FSTL5: variants seen among roughly 807,000 people sequenced by gnomAD.
FSTL5 encodes the protein follistatin-related protein 5.
Under a neutral mutation model 89.1 loss-of-function variants are expected in FSTL5, and 62 were observed. That is an observed-to-expected ratio of 0.70 (90% confidence interval 0.57 to 0.86). FSTL5 has a LOEUF of 0.86. Ranked by LOEUF, FSTL5 falls within the 40% of genes least tolerant of loss-of-function variation. The pLI is 0.00. For synonymous variants in FSTL5, 383 were observed against 346.2 expected, an observed-to-expected ratio of 1.11 and a Z score of -1.18; for missense variants, 1,057 against 1,001.6, an observed-to-expected ratio of 1.06 and a Z score of -0.75.
chr4:161,490,728 C>G (rs147443721), intron 12 of FSTL5, among the ~76,000 whole-genome samples: 1 of 152,038 alleles, frequency 6.6e-6, no homozygotes, highest in Non-Finnish European at 1.5e-5. Flanking sequence ...AAATGTTTTA[C>G]AGAGATAATT....
intron 13 of FSTL5, among the ~76,000 whole-genome samples, chr4:161,480,074 G>T (rs62324266): frequency 0.065 from 9,844 of 152,134 alleles, 414 homozygotes; most frequent in Middle Eastern, 0.11. Context: ...CAAAATTAGA[G>T]GGTTAATTTC....
rs5863480 is a variant in FSTL5 at position 161,748,606 on chromosome 4, GTTTTTTTT to G, written c.727+10797_727+10804del. ...CTGAAATAATGCAAAGGGGAAGCAC[GTTTTTTTT>G]TTTTTTTTTTTTTTCTCAGACTGAA... On this transcript the variant is annotated intron_variant, in intron 6 of 15. Coordinates refer to ENST00000306100, the MANE Select transcript of FSTL5 (RefSeq NM_020116.5). Among the ~76,000 whole-genome samples, 245 of 103,530 alleles carry G rather than the reference GTTTTTTTT, an allele frequency of 2.4e-3. 1 individual carries two copies. The highest frequency in any genetic ancestry group is 8.1e-3 in the African/African-American group (240 of 29,780). The allele number at this position is 103,530 out of a possible 152,430, so 67.9% of individuals were successfully genotyped here.
chr4:161,419,698 G>C (rs909284507), intron 15 of FSTL5, among the ~76,000 whole-genome samples: 1 of 152,124 alleles, frequency 6.6e-6, no homozygotes, highest in Non-Finnish European at 1.5e-5. Flanking sequence ...ATTGCAACTG[G>C]CCCTGTCTCT....
intron 3 of FSTL5, among the ~76,000 whole-genome samples, chr4:161,954,677 T>G (rs1734981855): frequency 6.6e-6 from 1 of 151,672 alleles, no homozygotes; most frequent in Non-Finnish European, 1.5e-5. Flanking sequence ...GTAAGGCAAG[T>G]TTGTCCTTTG....
chr4:162,081,773 A>G (rs766346282), intron 2 of FSTL5, among the ~76,000 whole-genome samples: 55 of 143,644 alleles, frequency 3.8e-4, no homozygotes, highest in South Asian at 1.1e-3. Flanking sequence ...ATAGAACCAG[A>G]AAGAAAATTA....
intron 2 of FSTL5, among the ~76,000 whole-genome samples, chr4:162,104,462 C>T (rs1356403786): frequency 6.6e-6 from 1 of 152,176 alleles, no homozygotes; most frequent in African/African-American, 2.4e-5. Flanking sequence ...AGAGCAAGGA[C>T]CCACTCCCCG....
chr4:161,891,681 T>C (rs1317269975), intron 4 of FSTL5, among the ~76,000 whole-genome samples: 1 of 152,108 alleles, frequency 6.6e-6, no homozygotes. Flanking sequence ...CAGTTATAAC[T>C]ATGATTGAAT....
At chr4:161,938,342 T>C (rs549794632) in intron 3 of FSTL5, among the ~76,000 whole-genome samples, 1 of 152,116 alleles carries the variant, frequency 6.6e-6, no homozygotes, top group South Asian at 2.1e-4. Flanking sequence ...TTATTTATTT[T>C]ATGCAAAAAC....
chr4:161,971,936 T>C (rs1735496336), intron 3 of FSTL5, among the ~76,000 whole-genome samples: 1 of 152,158 alleles, frequency 6.6e-6, no homozygotes, highest in Non-Finnish European at 1.5e-5. Context: ...GTCCACCAAC[T>C]TTCTACCACC....
chr4:161,997,172 C>T (rs1399317226), intron 3 of FSTL5, among the ~76,000 whole-genome samples: 1 of 152,056 alleles, frequency 6.6e-6, no homozygotes, highest in Admixed American at 6.6e-5. Flanking sequence ...TAATAAGTTC[C>T]TCAAAGGTTA....
rs138255373 is a variant in FSTL5 at position 161,542,539 on chromosome 4, C to T, written c.1170G>A (p.Thr390=). 3.2e-5 allele frequency: 47 copies of T among 1,487,530 alleles called. No homozygotes were observed. The highest frequency in any genetic ancestry group is 3.8e-5 in the Non-Finnish European group (42 of 1,112,620). 92.1% of individuals were successfully genotyped at this position (1,487,530 alleles called of 1,614,324 possible). A position where few individuals can be genotyped will look rare whatever the true frequency, so the allele number is the denominator to read the frequency against. Residue 390 remains threonine, a synonymous_variant, in exon 9 of 16, where the codon ACG becomes ACA. Transcript: ENST00000306100. ...AAAGCAAGTAAAAAGCACCTTGAAG[C>T]GTGAGTTGTTTGGAAAGCTTTGGTG... ...DITPKLSKQL[T]LQANGSEVHI... is the part of the protein sequence containing the mutation.
At chr4:161,767,286 C>T (rs1741046906) in intron 5 of FSTL5, among the ~76,000 whole-genome samples, 1 of 152,132 alleles carries the variant, frequency 6.6e-6, no homozygotes, top group Admixed American at 6.5e-5. Flanking sequence ...GTTCTCAAAA[C>T]CACAAATGTG....
At chr4:161,757,993 C>T (rs1191328391) in intron 6 of FSTL5, among the ~76,000 whole-genome samples, 2 of 152,210 alleles carry the variant, frequency 1.3e-5, no homozygotes, top group East Asian at 1.9e-4. Context: ...AACAGTTTAC[C>T]GGATCATCCT....
chr4:161,572,455 C>T (rs72687553), intron 8 of FSTL5, among the ~76,000 whole-genome samples: 11,950 of 151,980 alleles, frequency 0.079, 526 homozygotes, highest in Middle Eastern at 0.17. Flanking sequence ...AGCTTGCACA[C>T]CTTCCTTCAC....
chr4:161,729,295 A>AC (rs1739525286), intron 6 of FSTL5, among the ~76,000 whole-genome samples: 1 of 151,928 alleles, frequency 6.6e-6, no homozygotes, highest in African/African-American at 2.4e-5. Flanking sequence ...CATTATTAGA[A>AC]CCCCCTCAAT....
In FSTL5 at chr4:161,902,057, A is replaced by T. The variant is rs6536625; in HGVS notation, c.409+18347T>A. On this transcript the variant is annotated intron_variant, in intron 4 of 15. Transcript: ENST00000306100. Reference sequence around the variant, plus strand: ...TCTTTAGTTTCTTCACCTAGATATTATTTGTTACATGTATTCTGATATTTC... The same window carrying T: ...TCTTTAGTTTCTTCACCTAGATATTTTTTGTTACATGTATTCTGATATTTC... Among the ~76,000 whole-genome samples the T allele has an allele frequency of 6.6e-5, 10 of 152,278 alleles. No individual in the cohort carries two copies. In the East Asian group the frequency reaches 1.5e-3, roughly 24 times the overall value.
chr4:162,049,891 T>C (rs1738324533), intron 2 of FSTL5, among the ~76,000 whole-genome samples: 1 of 151,904 alleles, frequency 6.6e-6, no homozygotes, highest in Non-Finnish European at 1.5e-5. Context: ...AGTGAAAATA[T>C]CAGGCATGAG....
intron 2 of FSTL5, among the ~76,000 whole-genome samples, chr4:162,091,225 C>G (rs928528650): frequency 6.6e-6 from 1 of 152,182 alleles, no homozygotes; most frequent in Non-Finnish European, 1.5e-5. Flanking sequence ...CCATTGCACT[C>G]TGCAATTACC....
intron 15 of FSTL5, among the ~76,000 whole-genome samples, chr4:161,440,920 T>C (rs1460769339): frequency 6.6e-6 from 1 of 152,166 alleles, no homozygotes; most frequent in Non-Finnish European, 1.5e-5. Context: ...TTGATATTCC[T>C]GTTAAATTGC....
Sources: gnomAD v4.1 joint callset for allele counts (sites outside exome capture counted in the v4.1 genomes callset) on GRCh38, gnomAD v4.1.1 for gene constraint, MANE v1.5 for transcripts, NCBI Gene and HGNC (gene_info 2026-07-23, HGNC 2026-07-21) for gene names.